IDI1: variants seen among roughly 807,000 people sequenced by gnomAD.
IDI1 encodes the protein isopentenyl-diphosphate Delta-isomerase 1.
In IDI1, 23 loss-of-function variants were observed where a neutral mutation model predicts 32.9. The observed-to-expected ratio is 0.70, with a 90% confidence interval of 0.50 to 0.99. IDI1 has a LOEUF of 0.99. IDI1 is among the 50% of genes least tolerant of loss of function. IDI1 has a pLI of 0.00. For missense variants in IDI1, 326 were observed against 351.9 expected (o/e 0.93, Z 0.59); for synonymous variants, 133 against 128.2 (o/e 1.04, Z -0.25).
chr10:1,040,167 T>G lies in IDI1; in HGVS notation c.*1020A>C, dbSNP rs1297245112. 1 of 152,246 alleles carries G rather than the reference T, an allele frequency of 6.6e-6. No individual in the cohort carries two copies. Among genetic ancestry groups the G allele is most frequent in the Non-Finnish European group, 1.5e-5 (1 of 68,050 alleles). 9.4% of individuals were successfully genotyped at this position (152,246 alleles called of 1,614,324 possible). A position where few individuals can be genotyped will look rare whatever the true frequency, so the allele number is the denominator to read the frequency against. ...TTGATCAAGGTACAATTTTTAACAT[T>G]AATATACACATTCCATAATCTCATC... On this transcript the variant is annotated 3_prime_UTR_variant, in exon 5 of 5. Transcript: ENST00000381344.
chr10:1,056,293 G>A, the IDI1 span: 2 of 152,248 alleles, frequency 1.3e-5, no homozygotes, highest in Admixed American at 1.3e-4. Flanking sequence ...TAAGAAAAAA[G>A]CGGCCCAAGT....
chr10:1,049,543 G>A (rs1282489650), upstream of IDI1: 1 of 147,090 alleles, frequency 6.8e-6, no homozygotes, highest in Non-Finnish European at 1.5e-5. Context: ...TGTCTAGAAC[G>A]ATGGCCTTTC....
chr10:1,048,743 A>C (rs958798040), intron 1 of IDI1, 121 bp downstream of exon 1: 45 of 1,479,100 alleles, frequency 3.0e-5, no homozygotes, highest in Non-Finnish European at 3.7e-5. Flanking sequence ...CCAGCTGTCC[A>C]GGCCTCCGCG....
At chr10:1,043,263 T>C in intron 3 of IDI1, 38 bp downstream of exon 3, 2 of 1,211,264 alleles carry the variant, frequency 1.7e-6, no homozygotes, top group Middle Eastern at 2.7e-4. Context: ...GTCAAATTAA[T>C]GTACAAACAC....
upstream of IDI1, among the ~76,000 whole-genome samples, chr10:1,051,196 T>C (rs956773624): frequency 2.0e-5 from 3 of 152,262 alleles, no homozygotes; most frequent in Admixed American, 6.5e-5. Context: ...AACATTTCAT[T>C]ATTCAATATC....
At chr10:1,052,192 G>A (rs1833032016), upstream of IDI1, among the ~76,000 whole-genome samples, 1 of 152,210 alleles carries the variant, frequency 6.6e-6, no homozygotes, top group Non-Finnish European at 1.5e-5. Flanking sequence ...CAAAGTTAGA[G>A]TCAATCCTCT....
Position 1,041,267 on chromosome 10 carries a change from C to T in IDI1, c.775G>A (p.Ala259Thr), listed in dbSNP as rs373254659. Residue 259 changes from alanine to threonine, a missense_variant, in exon 5 of 5, where the codon GCG becomes ACG. By Grantham distance (58) the Ala-to-Thr change is moderately conservative. Coordinates refer to ENST00000381344, the MANE Select transcript of IDI1 (RefSeq NM_004508.4). ...TCCCACCATTTAAAGAGAAAAGTCG[C>T]TGCAATAATTTTAAACCATGGCGTT... is the stretch of plus-strand genomic sequence containing the variant. ...KITPWFKIIA[A>T]TFLFKWWDNL... The T allele has an allele frequency of 1.2e-6, 2 of 1,613,308 alleles. No individual in the cohort carries two copies. Among genetic ancestry groups the T allele is most frequent in the Non-Finnish European group, 1.7e-6 (2 of 1,179,392 alleles).
At chr10:1,043,109 A>G (rs1282770453) in intron 3 of IDI1, among the ~76,000 whole-genome samples, 192 bp downstream of exon 3, 1 of 152,228 alleles carries the variant, frequency 6.6e-6, no homozygotes, top group Non-Finnish European at 1.5e-5. Context: ...CATATTGCCC[A>G]ATTGCTTACT....
In IDI1 at chr10:1,041,098, A is replaced by T. The variant is rs1832564237; in HGVS notation, c.*89T>A. On this transcript the variant is annotated 3_prime_UTR_variant, in exon 5 of 5. Transcript: ENST00000381344. ...AAATGATAGAACTAAATTTAATGAT[A>T]AATTAATGATAGAACTAAATTTAAA... 1.4e-6 allele frequency: 1 copy of T among 735,068 alleles called. No homozygotes were observed. Among genetic ancestry groups the T allele is most frequent in the Non-Finnish European group, 2.2e-6 (1 of 454,836 alleles). The allele number at this position is 735,068 out of a possible 1,614,324, so 45.5% of individuals were successfully genotyped here. A position where few individuals can be genotyped will look rare whatever the true frequency, so the allele number is the denominator to read the frequency against.
At chr10:1,044,547 A>G (rs933393077) in intron 1 of IDI1, among the ~76,000 whole-genome samples, 12 of 152,180 alleles carry the variant, frequency 7.9e-5, no homozygotes, top group African/African-American at 2.9e-4. Flanking sequence ...TGTAATCTCT[A>G]GAATGTGCTC....
At chr10:1,044,827 T>C (rs368124002) in intron 1 of IDI1, among the ~76,000 whole-genome samples, 6 of 152,210 alleles carry the variant, frequency 3.9e-5, no homozygotes, top group South Asian at 2.1e-4. Context: ...AGGAGAAGAC[T>C]TAATTCGTTA....
rs1471048160 is a variant in IDI1 at position 1,041,389 on chromosome 10, A to C, written c.653T>G (p.Leu218Trp). ...YILLVRKNVTLNPDPNEIKSY... is the reference protein window; with the variant it reads ...YILLVRKNVTWNPDPNEIKSY... ...TTTAATCTCATTGGGATCTGGATTCAAAGTTACATTCTTCCTCACCAACAA... is the reference window on the plus strand; with the variant it reads ...TTTAATCTCATTGGGATCTGGATTCCAAGTTACATTCTTCCTCACCAACAA... Residue 218 changes from leucine (L) to tryptophan (W), a missense_variant, in exon 5 of 5, where the codon TTG becomes TGG. Physicochemically the swap from Leu to Trp is moderately conservative, Grantham distance 61. Around this residue, in one of 2 missense-constraint regions of IDI1, gnomAD observed 205 missense variants for 273.5 expected, o/e 0.75. Coordinates refer to ENST00000381344, the MANE Select transcript of IDI1 (RefSeq NM_004508.4). 6.2e-7 allele frequency: 1 copy of C among 1,612,980 alleles called. No individual in the cohort carries two copies. The highest frequency in any genetic ancestry group is 8.5e-7 in the Non-Finnish European group (1 of 1,179,170).
chr10:1,048,078 G>A lies in IDI1; in HGVS notation c.140+786C>T, dbSNP rs1000336083. Among the ~76,000 whole-genome samples, 9 of 152,086 alleles carry A rather than the reference G, an allele frequency of 5.9e-5. 1 individual carries two copies. The highest frequency in any genetic ancestry group is 1.7e-4 in the African/African-American group (7 of 41,398). ...TGTCTGTCGCCCAAGCTGGAGTGCA[G>A]TGGCGCGATCTCGGCTCACTGCAGC... On this transcript the variant is annotated intron_variant, in intron 1 of 4. Coordinates refer to ENST00000381344, the MANE Select transcript of IDI1 (RefSeq NM_004508.4).
upstream of IDI1, among the ~76,000 whole-genome samples, chr10:1,051,054 T>C (rs1589060159): frequency 6.6e-6 from 1 of 152,376 alleles, no homozygotes; most frequent in East Asian, 1.9e-4. Context: ...ATTTTGTACT[T>C]GTTACATTAA....
At chr10:1,051,938 T>G (rs1342188385), upstream of IDI1, among the ~76,000 whole-genome samples, 1 of 152,202 alleles carries the variant, frequency 6.6e-6, no homozygotes, top group African/African-American at 2.4e-5. Flanking sequence ...AGTGGTGCGA[T>G]CTTGGCTCAC....
At chr10:1,042,897 T>C (rs907516106) in intron 3 of IDI1, 135 bp from the exon 4 acceptor site, 1 of 705,774 alleles carries the variant, frequency 1.4e-6, no homozygotes. Context: ...GGGCTATCAG[T>C]AATTATTTTA....
At chr10:1,049,156 C>T (rs1832908176), upstream of IDI1, 1 of 1,243,546 alleles carries the variant, frequency 8.0e-7, no homozygotes, top group Admixed American at 3.5e-5. Flanking sequence ...TTAAGGGGGT[C>T]AACACGCCCC....
At chr10:1,056,636 G>C in the IDI1 span, 1 of 152,240 alleles carries the variant, frequency 6.6e-6, no homozygotes, top group Non-Finnish European at 1.5e-5. Flanking sequence ...CCAAGGGTGG[G>C]GGCGTTGGCC....
At chr10:1,055,680 T>G in the IDI1 span, among the ~76,000 whole-genome samples, 2 of 152,146 alleles carry the variant, frequency 1.3e-5, no homozygotes, top group Admixed American at 1.3e-4. Context: ...TGATAAAGTT[T>G]TATTAATATA....
Sources: gnomAD v4.1 joint callset for allele counts (sites outside exome capture counted in the v4.1 genomes callset) on GRCh38, gnomAD v4.1.1 for gene constraint, gnomAD v4.1.1 regional missense constraint, MANE v1.5 for transcripts, NCBI Gene and HGNC (gene_info 2026-07-23, HGNC 2026-07-21) for gene names.